Variants in ANO1 observed in about 807,000 individuals in gnomAD.
ANO1 encodes the protein anoctamin-1.
ANO1 carries 59 observed loss-of-function variants against 124.0 expected under a neutral mutation model. The observed-to-expected ratio is 0.48, with a 90% confidence interval of 0.39 to 0.59. The LOEUF (loss-of-function observed/expected upper bound fraction) is 0.59, where lower values mean the gene tolerates loss of function less well. ANO1 is among the 20% of genes least tolerant of loss of function. The probability of loss-of-function intolerance (pLI) is 0.00; values close to 1 mark genes in which losing one functional copy is unlikely to be tolerated. For missense variants in ANO1, 1,059 were observed against 1,328.0 expected, an observed-to-expected ratio of 0.80 and a Z score of 3.15; for synonymous variants, 529 against 532.0, an observed-to-expected ratio of 0.99 and a Z score of 0.08.
chr11:70,111,808 C>G (rs779031517), intron 7 of ANO1, 46 bp downstream of exon 7: 5 of 1,597,088 alleles, frequency 3.1e-6, no homozygotes, highest in Non-Finnish European at 4.3e-6. Flanking sequence ...ATTTGACTCC[C>G]CAAATCCCGC....
upstream of ANO1, among the ~76,000 whole-genome samples, chr11:70,078,081 T>C (rs1230343871): frequency 3.9e-5 from 6 of 152,154 alleles, no homozygotes. Flanking sequence ...ACTCGGGGAC[T>C]TTATTTCAGG....
In ANO1 at chr11:70,104,122, T is replaced by C. The variant is rs1317574902; in HGVS notation, c.664T>C (p.Tyr222His). ...GCCCCAGACCATGAAGAGACTCTCC[T>C]ATCCCTTCTCCCGGGAGAAGCAGCA... ...HRPQTMKRLS[Y>H]PFSREKQHLF... is the part of the protein sequence containing the mutation. Residue 222 changes from tyrosine to histidine, a missense_variant, in exon 4 of 26, where the codon TAT becomes CAT. Tyr to His is a moderately conservative substitution (Grantham distance 83). Transcript: ENST00000355303. 6.2e-7 allele frequency: 1 copy of C among 1,613,024 alleles called. No individual in the cohort carries two copies. The highest frequency in any genetic ancestry group is 8.5e-7 in the Non-Finnish European group (1 of 1,179,616).
intron 18 of ANO1, among the ~76,000 whole-genome samples, chr11:70,162,822 A>C (rs1340970590): frequency 1.3e-5 from 2 of 152,212 alleles, no homozygotes; most frequent in African/African-American, 4.8e-5. Flanking sequence ...TAGAAAGCCG[A>C]GAGGTTGTCT....
At chr11:70,012,603 C>T (rs1047988894) in intron 1 of ANO1, among the ~76,000 whole-genome samples, 1 of 150,078 alleles carries the variant, frequency 6.7e-6, no homozygotes, top group East Asian at 2.0e-4. Flanking sequence ...TTCATTCACA[C>T]ATTCATCCAT....
intron 22 of ANO1, 35 bp downstream of exon 22, chr11:70,171,074 G>A (rs766621519): frequency 2.0e-5 from 32 of 1,600,498 alleles, no homozygotes; most frequent in South Asian, 7.9e-5. Flanking sequence ...AACCGGTTCC[G>A]AGTGCGTGCT....
At chr11:70,163,564 A>G in intron 19 of ANO1, 1 of 621,704 alleles carries the variant, frequency 1.6e-6, no homozygotes, top group East Asian at 2.8e-5. Context: ...AAGTCGCTGT[A>G]GAGTTAATGA....
chr11:70,122,464 C>T (rs2046332636), intron 8 of ANO1, among the ~76,000 whole-genome samples: 1 of 150,560 alleles, frequency 6.6e-6, no homozygotes, highest in Non-Finnish European at 1.5e-5. Context: ...GTCTCTCTGT[C>T]TCTGTCTCTC....
chr11:70,002,622 C>T (rs1856407032), intron 1 of ANO1, among the ~76,000 whole-genome samples: 1 of 152,186 alleles, frequency 6.6e-6, no homozygotes, highest in Admixed American at 6.5e-5. Context: ...TAAGAACACT[C>T]TATGTTCACA....
intron 22 of ANO1, among the ~76,000 whole-genome samples, chr11:70,172,132 A>AG (rs1555052150): frequency 5.0e-4 from 71 of 141,658 alleles, no homozygotes; most frequent in African/African-American, 1.6e-3. Context: ...AAAAAAAAAA[A>AG]AAAAGAAAAG....
chr11:70,121,515 G>A (rs542239092), intron 8 of ANO1, among the ~76,000 whole-genome samples: 43 of 124,472 alleles, frequency 3.5e-4, no homozygotes, highest in African/African-American at 1.3e-3. Flanking sequence ...CTCTATCTCT[G>A]TCTCTCCATC....
At chr11:69,993,591 C>A (rs879952141) in intron 1 of ANO1, among the ~76,000 whole-genome samples, 4 of 152,198 alleles carry the variant, frequency 2.6e-5, no homozygotes, top group Non-Finnish European at 5.9e-5. Context: ...CCCCAGCCTC[C>A]ATCCCTTATT....
At chr11:70,082,151 C>T (rs999042603) in intron 1 of ANO1, among the ~76,000 whole-genome samples, 7 of 152,332 alleles carry the variant, frequency 4.6e-5, no homozygotes, top group Non-Finnish European at 1.0e-4. Flanking sequence ...ATCCTTGGAT[C>T]TGATGGCCAC....
At chr11:70,082,378 G>T (rs925246271) in intron 1 of ANO1, among the ~76,000 whole-genome samples, 1 of 152,196 alleles carries the variant, frequency 6.6e-6, no homozygotes, top group Non-Finnish European at 1.5e-5. Flanking sequence ...GGCCAACATA[G>T]TGAAACCCAA....
intron 25 of ANO1, among the ~76,000 whole-genome samples, chr11:70,186,179 C>T (rs2049110280): frequency 6.6e-6 from 1 of 151,966 alleles, no homozygotes; most frequent in African/African-American, 2.4e-5. Context: ...CCCAGCTACT[C>T]AGGAGGCTGA....
At chr11:70,089,990 G>GGTTTTTTTGTTT (rs1341506632) in intron 2 of ANO1, among the ~76,000 whole-genome samples, 3 of 4,846 alleles carry the variant, frequency 6.2e-4, no homozygotes, top group Non-Finnish European at 3.9e-3. Context: ...TGTTCCCCAG[G>GGTTTTTTTGTTT]GTTTGTTTGT....
intron 8 of ANO1, among the ~76,000 whole-genome samples, chr11:70,118,046 G>A (rs1268737739): frequency 6.6e-6 from 1 of 152,106 alleles, no homozygotes; most frequent in African/African-American, 2.4e-5. Context: ...TCCAGCCTCA[G>A]AGTCCAGCCC....
the ANO1 span, among the ~76,000 whole-genome samples, chr11:69,975,800 G>A: frequency 6.6e-6 from 1 of 152,230 alleles, no homozygotes; most frequent in Non-Finnish European, 1.5e-5. Context: ...CCACATTTTA[G>A]CGCAGCTGGT....
At chr11:70,186,880 T>G (rs1249682074) in intron 25 of ANO1, among the ~76,000 whole-genome samples, 5 of 151,868 alleles carry the variant, frequency 3.3e-5, no homozygotes, top group Non-Finnish European at 7.4e-5. Context: ...GTGCAAAAGG[T>G]GTGTGGGGCT....
At chr11:70,054,255 T>C (rs1857398896) in intron 1 of ANO1, among the ~76,000 whole-genome samples, 1 of 152,186 alleles carries the variant, frequency 6.6e-6, no homozygotes, top group African/African-American at 2.4e-5. Flanking sequence ...TGCCTAGATG[T>C]TAATGGACCC....
Sources: allele counts gnomAD v4.1 joint callset (sites outside exome capture counted in the v4.1 genomes callset), GRCh38; gene constraint gnomAD v4.1.1; transcripts MANE v1.5; gene names NCBI Gene and HGNC (gene_info 2026-07-23, HGNC 2026-07-21).